The following ANKRD26 variants were observed in gnomAD, a reference collection of about 807,000 sequenced individuals.
ANKRD26 encodes the protein ankyrin repeat domain 26.
A neutral mutation model predicts 208.7 loss-of-function variants in ANKRD26; 141 were observed. The ratio of observed to expected loss-of-function variants is 0.68; its 90% CI spans 0.59 to 0.78. ANKRD26 has a LOEUF of 0.78. Among genes scored for constraint, ANKRD26 ranks in the 30% least tolerant of loss-of-function variants. The pLI is 0.00. For missense variants in ANKRD26, 1,889 were observed against 1,938.7 expected (o/e 0.97, Z 0.48); for synonymous variants, 636 against 660.4 (o/e 0.96, Z 0.57).
Position 27,004,134 on chromosome 10 carries a change from T to C in ANKRD26, c.*1456A>G, listed in dbSNP as rs1440779155. Reference sequence around the variant, plus strand: ...ACCTACAAACAGTTTAGAAAAAAAATCTGTATTAAGTACCTATATTCATAT... The same window carrying C: ...ACCTACAAACAGTTTAGAAAAAAAACCTGTATTAAGTACCTATATTCATAT... On this transcript the variant is annotated 3_prime_UTR_variant, in exon 34 of 34. Coordinates refer to ENST00000376087, the MANE Select transcript of ANKRD26 (RefSeq NM_014915.3). The C allele has an allele frequency of 6.6e-6, 1 of 151,942 alleles. No individual in the cohort carries two copies. The highest frequency in any genetic ancestry group is 1.5e-5 in the Non-Finnish European group (1 of 67,984). The allele number at this position is 151,942 out of a possible 1,614,324, so 9.4% of individuals were successfully genotyped here.
chr10:27,071,260 G>T (rs1377226384), intron 9 of ANKRD26, among the ~76,000 whole-genome samples: 5 of 142,978 alleles, frequency 3.5e-5, no homozygotes, highest in African/African-American at 1.3e-4. Context: ...CTGCCTCCCA[G>T]GTTCACGCCA....
intron 15 of ANKRD26, among the ~76,000 whole-genome samples, chr10:27,059,993 A>G (rs1010169441): frequency 2.0e-5 from 3 of 152,172 alleles, no homozygotes; most frequent in Admixed American, 6.5e-5. Flanking sequence ...CGAGATCAGG[A>G]GTTTGAGACC....
intron 23 of ANKRD26, 55 bp from the exon 24 acceptor site, chr10:27,035,807 A>T: frequency 8.2e-7 from 1 of 1,223,260 alleles, no homozygotes; most frequent in South Asian, 1.2e-5. Context: ...ACAGATCATG[A>T]TTTCCTCTGA....
intron 25 of ANKRD26, 75 bp from the exon 26 acceptor site, chr10:27,029,431 T>G: frequency 7.1e-7 from 1 of 1,408,852 alleles, no homozygotes; most frequent in Non-Finnish European, 9.9e-7. Flanking sequence ...TTTTTGTAAC[T>G]AAACCTTATC....
intron 4 of ANKRD26, among the ~76,000 whole-genome samples, chr10:27,090,194 C>T (rs1166197051): frequency 6.6e-6 from 1 of 152,110 alleles, no homozygotes; most frequent in East Asian, 1.9e-4. Context: ...GCCTGTGATC[C>T]TAGCACTTTG....
At chr10:27,071,516 A>C (rs1170174922) in intron 9 of ANKRD26, among the ~76,000 whole-genome samples, 3 of 151,768 alleles carry the variant, frequency 2.0e-5, no homozygotes, top group African/African-American at 7.3e-5. Flanking sequence ...ACTAAAATTA[A>C]TTTTCCCTAA....
chr10:27,077,966 T>C (rs1344832536), intron 7 of ANKRD26, among the ~76,000 whole-genome samples: 1 of 152,204 alleles, frequency 6.6e-6, no homozygotes, highest in Non-Finnish European at 1.5e-5. Context: ...TGTTCGATTA[T>C]TTTCTTAACC....
At chr10:27,087,866 G>A (rs2056173270) in intron 4 of ANKRD26, among the ~76,000 whole-genome samples, 1 of 152,074 alleles carries the variant, frequency 6.6e-6, no homozygotes, top group Non-Finnish European at 1.5e-5. Flanking sequence ...CTGCCGCCTG[G>A]AACTCCTGGG....
At chr10:27,010,688 A>C (rs2053068937) in intron 32 of ANKRD26, among the ~76,000 whole-genome samples, 1 of 151,986 alleles carries the variant, frequency 6.6e-6, no homozygotes, top group Non-Finnish European at 1.5e-5. Context: ...TGTAGAAATG[A>C]GATCTCACTA....
At chr10:27,020,338 A>G (rs1164418344) in intron 29 of ANKRD26, among the ~76,000 whole-genome samples, 1 of 152,190 alleles carries the variant, frequency 6.6e-6, no homozygotes, top group Non-Finnish European at 1.5e-5. Context: ...ACAATAAATT[A>G]TATTTAACTG....
intron 1 of ANKRD26, among the ~76,000 whole-genome samples, chr10:27,096,101 CA>C: frequency 6.6e-6 from 1 of 152,330 alleles, no homozygotes; most frequent in South Asian, 2.1e-4. Context: ...AGGAGCCAAG[CA>C]GCTCACCAGA....
the ANKRD26 span, among the ~76,000 whole-genome samples, chr10:26,951,174 C>T: frequency 3.9e-3 from 592 of 152,002 alleles, 2 homozygotes; most frequent in Non-Finnish European, 6.9e-3. Context: ...AACAAATATG[C>T]AGTGATTGAC....
chr10:27,077,200 G>A (rs2055729680), intron 9 of ANKRD26, 138 bp downstream of exon 9: 2 of 739,520 alleles, frequency 2.7e-6, no homozygotes, highest in African/African-American at 1.8e-5. Context: ...TTCAACATAT[G>A]CAAGTCTTAA....
chr10:26,971,908 C>A (rs554685773), downstream of ANKRD26, among the ~76,000 whole-genome samples: 9 of 152,158 alleles, frequency 5.9e-5, no homozygotes, highest in South Asian at 1.9e-3. Flanking sequence ...TAAGCACTTG[C>A]CAGAAGTTGT....
intron 9 of ANKRD26, among the ~76,000 whole-genome samples, chr10:27,074,044 T>C (rs982957992): frequency 2.6e-5 from 4 of 151,546 alleles, no homozygotes; most frequent in African/African-American, 9.7e-5. Flanking sequence ...CAAAAATAAA[T>C]TCAAAAATAA....
chr10:27,095,856 C>A (rs1589383895), intron 1 of ANKRD26, among the ~76,000 whole-genome samples: 1 of 152,266 alleles, frequency 6.6e-6, no homozygotes, highest in Non-Finnish European at 1.5e-5. Context: ...AATGAATGCA[C>A]TCCACTCTGG....
At position 27,058,133 on chromosome 10, in the gene ANKRD26, G is replaced by A. The variant is rs190705427; in HGVS notation, c.1564+2212C>T. On this transcript the variant is annotated intron_variant, in intron 15 of 33. Transcript: ENST00000376087. Reference sequence around the variant, plus strand: ...GTTGGATTTAAACATTTTAAGACAAGCAAAAGAAAAAAGTAAAAACCATAG... The same window carrying A: ...GTTGGATTTAAACATTTTAAGACAAACAAAAGAAAAAAGTAAAAACCATAG... Among the ~76,000 whole-genome samples the A allele has an allele frequency of 1.4e-4, 22 of 152,068 alleles. No homozygotes were observed. The East Asian group carries it at 4.2e-3, about 29-fold the overall frequency.
chr10:26,963,903 GT>G, the ANKRD26 span, among the ~76,000 whole-genome samples: 15 of 71,846 alleles, frequency 2.1e-4, no homozygotes, highest in South Asian at 5.4e-4. Flanking sequence ...TGGTTGGTTG[GT>G]TTTTTTTTTT....
the ANKRD26 span, among the ~76,000 whole-genome samples, chr10:26,963,903 G>GTTTT: frequency 5.1e-3 from 368 of 71,566 alleles, 74 homozygotes; most frequent in African/African-American, 0.021. Context: ...TGGTTGGTTG[G>GTTTT]TTTTTTTTTT....
Sources: gnomAD v4.1 joint callset for allele counts (sites outside exome capture counted in the v4.1 genomes callset) on GRCh38, gnomAD v4.1.1 for gene constraint, MANE v1.5 for transcripts, NCBI Gene and HGNC (gene_info 2026-07-23, HGNC 2026-07-21) for gene names.